The following CAST variants were observed in gnomAD, a reference collection of about 807,000 sequenced individuals.
The protein encoded by CAST is MIR583 host.
A neutral mutation model predicts 119.6 loss-of-function variants in CAST; 76 were observed. The observed-to-expected ratio is 0.64, with a 90% CI of 0.53 to 0.77. The LOEUF is 0.77. Among genes scored for constraint, CAST ranks in the 30% least tolerant of loss-of-function variants. CAST has a pLI of 0.00. For synonymous variants in CAST, 319 were observed against 331.6 expected (o/e 0.96, Z 0.41); for missense variants, 953 against 946.5 (o/e 1.01, Z -0.09).
intron 16 of CAST, chr5:96,743,825 G>T (rs967145287): frequency 3.1e-6 from 3 of 970,416 alleles, no homozygotes; most frequent in Non-Finnish European, 4.5e-6. Flanking sequence ...GACAGAAGCA[G>T]TGTCATCTTG....
At position 96,675,546 on chromosome 5, in the gene CAST, G is replaced by T; in HGVS notation, c.83G>T (p.Ser28Ile). 2 of 1,612,100 alleles carry T rather than the reference G, an allele frequency of 1.2e-6. No individual in the cohort carries two copies. The highest frequency in any genetic ancestry group is 1.1e-5 in the South Asian group (1 of 91,000). The part of the protein sequence containing the change: ...AAARRTHEHV[S>I]EKTSESPSKP... ...TTTTTTACTTTTTTATAGCATGTCA[G>T]TGAAAAAACCAGTGAATCGCCTTCC... The change falls in exon 2 of 32, where the codon AGT (serine) becomes ATT (isoleucine). Residue 28 changes from serine (S) to isoleucine (I), a missense_variant. Coordinates refer to ENST00000675179, the MANE Select transcript of CAST (RefSeq NM_001750.7).
the CAST span, among the ~76,000 whole-genome samples, chr5:96,205,920 G>T: frequency 2.0e-5 from 3 of 151,830 alleles, no homozygotes; most frequent in African/African-American, 7.3e-5. Flanking sequence ...ATTAGTGGCT[G>T]AACTAATTTA....
At chr5:96,466,441 A>G in the CAST span, among the ~76,000 whole-genome samples, 13 of 152,078 alleles carry the variant, frequency 8.5e-5, no homozygotes, top group Non-Finnish European at 1.6e-4. Flanking sequence ...GAAAGAGCAC[A>G]CTCAGAGCAG....
chr5:96,743,572 G>A (rs1226903127), intron 16 of CAST: 1 of 1,586,456 alleles, frequency 6.3e-7, no homozygotes, highest in Non-Finnish European at 8.6e-7. Context: ...CAGGGAAGGG[G>A]AGTCTCCCTG....
the CAST span, among the ~76,000 whole-genome samples, chr5:95,988,237 G>C: frequency 6.6e-6 from 1 of 152,136 alleles, no homozygotes; most frequent in Non-Finnish European, 1.5e-5. Context: ...TACAAATAAT[G>C]ATCTTTTCTC....
chr5:96,243,569 G>A, the CAST span, among the ~76,000 whole-genome samples: 1 of 152,174 alleles, frequency 6.6e-6, no homozygotes, highest in African/African-American at 2.4e-5. Context: ...CATATAGTAA[G>A]AGAAAAAATA....
At chr5:96,224,737 T>G in the CAST span, among the ~76,000 whole-genome samples, 1 of 152,198 alleles carries the variant, frequency 6.6e-6, no homozygotes, top group South Asian at 2.1e-4. Flanking sequence ...TTTATGATGA[T>G]TTCTTATGGC....
chr5:96,731,585 C>CT (rs775229824), intron 9 of CAST, among the ~76,000 whole-genome samples: 2 of 148,462 alleles, frequency 1.3e-5, no homozygotes, highest in South Asian at 2.1e-4. Flanking sequence ...ATGTGCCATG[C>CT]TGGTGCGCTG....
At chr5:96,037,139 A>G in the CAST span, among the ~76,000 whole-genome samples, 1 of 152,144 alleles carries the variant, frequency 6.6e-6, no homozygotes, top group Non-Finnish European at 1.5e-5. Flanking sequence ...CCGGAAATGT[A>G]CAGTGCATGT....
At chr5:96,649,414 G>T (rs555408416) in intron 1 of CAST, among the ~76,000 whole-genome samples, 1 of 152,228 alleles carries the variant, frequency 6.6e-6, no homozygotes, top group Non-Finnish European at 1.5e-5. Flanking sequence ...CACATAAGTC[G>T]AATAATGAGA....
intron 3 of CAST, among the ~76,000 whole-genome samples, chr5:96,709,236 G>A (rs1196591183): frequency 1.3e-5 from 2 of 152,236 alleles, no homozygotes; most frequent in Non-Finnish European, 2.9e-5. Context: ...CAGTTGTCAA[G>A]GCTTATGTTT....
chr5:96,410,485 A>T, the CAST span, among the ~76,000 whole-genome samples: 1 of 152,050 alleles, frequency 6.6e-6, no homozygotes, highest in South Asian at 2.1e-4. Flanking sequence ...TCAGACAAGC[A>T]GAAAAGACAT....
At chr5:95,964,875 GA>G in the CAST span, 1 of 151,560 alleles carries the variant, frequency 6.6e-6, no homozygotes, top group Non-Finnish European at 1.5e-5. Flanking sequence ...TTCAGTGCAG[GA>G]AAAAGGCTAA....
the CAST span, among the ~76,000 whole-genome samples, chr5:96,507,993 T>C: frequency 3.7e-5 from 1 of 27,060 alleles, no homozygotes; most frequent in Non-Finnish European, 9.0e-5. Context: ...TCCCTGACAT[T>C]ATTATTATTA....
At chr5:96,127,473 AC>A in the CAST span, among the ~76,000 whole-genome samples, 1 of 152,050 alleles carries the variant, frequency 6.6e-6, no homozygotes, top group African/African-American at 2.4e-5. Flanking sequence ...TGAGTACTTC[AC>A]CCAGCCACAC....
chr5:96,312,239 A>G, the CAST span, among the ~76,000 whole-genome samples: 1 of 152,092 alleles, frequency 6.6e-6, no homozygotes, highest in Non-Finnish European at 1.5e-5. Context: ...GTCTGAATTT[A>G]CAGCTAGATG....
At chr5:96,720,950 GT>G (rs1158695675) in intron 3 of CAST, among the ~76,000 whole-genome samples, 1 of 152,188 alleles carries the variant, frequency 6.6e-6, no homozygotes, top group Non-Finnish European at 1.5e-5. Context: ...AATTTCTTGA[GT>G]TTGAATGGAA....
chr5:96,674,995 C>T (rs1750533597), intron 1 of CAST, among the ~76,000 whole-genome samples: 1 of 152,018 alleles, frequency 6.6e-6, no homozygotes, highest in African/African-American at 2.4e-5. Context: ...CCTCGGTGTC[C>T]TAGTAAGAAA....
intron 1 of CAST, among the ~76,000 whole-genome samples, chr5:96,636,381 A>T (rs1011350832): frequency 2.0e-5 from 3 of 152,220 alleles, no homozygotes; most frequent in African/African-American, 7.2e-5. Context: ...TTTATACTAA[A>T]GGAAATGATT....
Sources: allele counts gnomAD v4.1 joint callset (sites outside exome capture counted in the v4.1 genomes callset), GRCh38; gene constraint gnomAD v4.1.1; transcripts MANE v1.5; gene names NCBI Gene and HGNC (gene_info 2026-07-23, HGNC 2026-07-21).